AHI1: variants seen among roughly 807,000 people sequenced by gnomAD.
AHI1 encodes jouberin.
AHI1 carries 123 observed loss-of-function variants against 149.3 expected under a neutral mutation model. The ratio of observed to expected loss-of-function variants is 0.82; its 90% confidence interval spans 0.71 to 0.96. The LOEUF is 0.96. Ranked by LOEUF, AHI1 falls within the 40% of genes least tolerant of loss-of-function variation. AHI1 has a pLI of 0.00. For synonymous variants in AHI1, 475 were observed against 459.8 expected, an observed-to-expected ratio of 1.03 and a Z score of -0.42; for missense variants, 1,439 against 1,422.7, an observed-to-expected ratio of 1.01 and a Z score of -0.18.
chr6:135,310,009 A>T (rs1354546705), intron 26 of AHI1, among the ~76,000 whole-genome samples: 1 of 152,192 alleles, frequency 6.6e-6, no homozygotes, highest in Non-Finnish European at 1.5e-5. Flanking sequence ...AAAAAAATAC[A>T]AATTGATATT....
rs1353900683 is a variant in AHI1, at chr6:135,374,396, G to T, written c.3110-16209C>A. On this transcript the variant is annotated intron_variant, in intron 23 of 28. Coordinates refer to ENST00000265602, the MANE Select transcript of AHI1 (RefSeq NM_001134831.2). ...CAAAGTGCTGGGATTACAGGCGTGA[G>T]CCACCGCGCTCGGCCCTTTTCTGCT... is the stretch of plus-strand genomic sequence containing the variant. 5.3e-5 allele frequency among the ~76,000 whole-genome samples: 8 copies of T among 152,020 alleles called. No homozygotes were observed. In the East Asian group the frequency reaches 1.5e-3, roughly 29 times the overall value.
intron 20 of AHI1, among the ~76,000 whole-genome samples, chr6:135,422,001 G>A (rs917909876): frequency 9.9e-5 from 15 of 151,990 alleles, no homozygotes; most frequent in Non-Finnish European, 1.9e-4. Context: ...CTATTCATAA[G>A]TATTACAAAT....
In AHI1 at chr6:135,398,340, G is replaced by C. The variant is rs577583925; in HGVS notation, c.2989-3444C>G. ...GATGTTTTCTTTACAAGCCAGGACA[G>C]AGAAGTGAAGGATTTGGAAGACAAC... On this transcript the variant is annotated intron_variant, in intron 22 of 28. Coordinates refer to ENST00000265602, the MANE Select transcript of AHI1 (RefSeq NM_001134831.2). Among the ~76,000 whole-genome samples the C allele has an allele frequency of 4.9e-4, 74 of 152,200 alleles. 1 individual carries two copies. Among genetic ancestry groups the C allele is most frequent in the African/African-American group, 1.6e-3 (68 of 41,540 alleles).
chr6:135,303,973 A>G (rs188072355), intron 26 of AHI1, among the ~76,000 whole-genome samples: 1 of 152,326 alleles, frequency 6.6e-6, no homozygotes, highest in Admixed American at 6.5e-5. Flanking sequence ...TAGGATTTTA[A>G]ATATTCACAT....
In AHI1 at chr6:135,442,575, T is replaced by C. The variant is rs758564154; in HGVS notation, c.1912+7A>G. 2 of 1,604,846 alleles carry C rather than the reference T, an allele frequency of 1.2e-6. No individual in the cohort carries two copies. Among genetic ancestry groups the C allele is most frequent in the Non-Finnish European group, 8.5e-7 (1 of 1,175,192 alleles). ...AATCAGATTAAACAGGTAGGATTAT[T>C]ACTCACAAATAATTGGATATCCATC... On this transcript the variant is annotated splice_region_variant and intron_variant, in intron 14 of 28. Coordinates refer to ENST00000265602, the MANE Select transcript of AHI1 (RefSeq NM_001134831.2).
At chr6:135,295,583 T>C (rs1782981277) in intron 27 of AHI1, among the ~76,000 whole-genome samples, 1 of 152,220 alleles carries the variant, frequency 6.6e-6, no homozygotes, top group African/African-American at 2.4e-5. Context: ...ACTTTATTTG[T>C]AGTAGCCGCA....
intron 5 of AHI1, among the ~76,000 whole-genome samples, chr6:135,468,469 C>T (rs1019302643): frequency 3.3e-5 from 5 of 152,012 alleles, no homozygotes; most frequent in East Asian, 3.9e-4. Flanking sequence ...TTTGGGAGGC[C>T]GAGGTGGGTG....
chr6:135,492,773 A>G, intron 3 of AHI1: 1 of 985,308 alleles, frequency 1.0e-6, no homozygotes, highest in Non-Finnish European at 1.2e-6. Context: ...AGAGAAGGAT[A>G]GTACAAATAT....
chr6:135,357,598 T>C (rs1486790589), intron 24 of AHI1, among the ~76,000 whole-genome samples: 2 of 152,252 alleles, frequency 1.3e-5, no homozygotes, highest in African/African-American at 4.8e-5. Flanking sequence ...ATGTACAGTG[T>C]ACTCTATATC....
At chr6:135,443,159 T>C (rs1021094084) in intron 13 of AHI1, among the ~76,000 whole-genome samples, 14 of 152,186 alleles carry the variant, frequency 9.2e-5, no homozygotes, top group Admixed American at 2.6e-4. Flanking sequence ...ATTCTCTCTT[T>C]GCCTATCTTA....
chr6:135,330,583 G>C (rs6570001), intron 24 of AHI1, among the ~76,000 whole-genome samples: 109,496 of 152,148 alleles, frequency 0.72, 40,689 homozygotes, highest in African/African-American at 0.93. Flanking sequence ...TGATATTCAC[G>C]GTATTGCAGT....
intron 22 of AHI1, among the ~76,000 whole-genome samples, chr6:135,398,063 T>G (rs73777510): frequency 1.4e-5 from 2 of 145,708 alleles, no homozygotes; most frequent in Admixed American, 6.7e-5. Flanking sequence ...AGGATGTTTT[T>G]TTTTTTTTTT....
chr6:135,373,906 C>T (rs1466088013), intron 23 of AHI1, among the ~76,000 whole-genome samples: 1 of 151,714 alleles, frequency 6.6e-6, no homozygotes, highest in Non-Finnish European at 1.5e-5. Flanking sequence ...TTGTTTCGGG[C>T]AATATGATAC....
chr6:135,424,285 G>T (rs1783634935), intron 20 of AHI1, among the ~76,000 whole-genome samples: 1 of 151,972 alleles, frequency 6.6e-6, no homozygotes, highest in African/African-American at 2.4e-5. Context: ...TTAAATATAT[G>T]TAAGGTAAAA....
At chr6:135,438,156 A>G (rs1243156413) in intron 15 of AHI1, among the ~76,000 whole-genome samples, 1 of 152,216 alleles carries the variant, frequency 6.6e-6, no homozygotes, top group African/African-American at 2.4e-5. Context: ...GGTGAGGACT[A>G]GAAATATTAT....
At chr6:135,359,148 CTT>C (rs1282166228) in intron 23 of AHI1, among the ~76,000 whole-genome samples, 1 of 152,174 alleles carries the variant, frequency 6.6e-6, no homozygotes, top group East Asian at 1.9e-4. Flanking sequence ...CAAACAATCA[CTT>C]TTTATCGCTT....
rs188468023 is a variant in AHI1 at position 135,332,451 on chromosome 6, G to A, written c.3166-9127C>T. ...CCCACTATCAAGGTGTGACCTTCCT[G>A]ATGATTCTACCTGATGCCCCAGGTA... is the stretch of plus-strand genomic sequence containing the variant. On this transcript the variant is annotated intron_variant, in intron 24 of 28. Coordinates refer to ENST00000265602, the MANE Select transcript of AHI1 (RefSeq NM_001134831.2). Among the ~76,000 whole-genome samples the A allele has an allele frequency of 3.5e-4, 53 of 152,312 alleles. No homozygotes were observed. The East Asian group carries it at 0.01, about 29-fold the overall frequency.
intron 27 of AHI1, chr6:135,297,524 C>T (rs1783261773): frequency 2.2e-6 from 1 of 456,188 alleles, no homozygotes. Context: ...CATCATTTTG[C>T]ACCTAATTAT....
In AHI1 at chr6:135,462,080, T is replaced by C. The variant is rs531764304; in HGVS notation, c.931+1045A>G. Among the ~76,000 whole-genome samples the C allele has an allele frequency of 2.9e-3, 443 of 152,116 alleles. 7 individuals carry two copies. The highest frequency in any genetic ancestry group is 0.01 in the African/African-American group (415 of 41,452). On this transcript the variant is annotated intron_variant, in intron 8 of 28. Transcript: ENST00000265602. ...AGTGCTTTATATATATAGAAACACA[T>C]AAAACAAGTATACTGCTTAGTGCTT... is the stretch of plus-strand genomic sequence containing the variant.
Sources: gnomAD v4.1 joint callset for allele counts (sites outside exome capture counted in the v4.1 genomes callset) on GRCh38, gnomAD v4.1.1 for gene constraint, MANE v1.5 for transcripts, NCBI Gene and HGNC (gene_info 2026-07-23, HGNC 2026-07-21) for gene names.